Variants in PDE2A observed in about 807,000 individuals in gnomAD.
The protein encoded by PDE2A is phosphodiesterase 2A.
A neutral mutation model predicts 133.6 loss-of-function variants in PDE2A; 53 were observed. The ratio of observed to expected loss-of-function variants is 0.40; its 90% CI spans 0.32 to 0.50. PDE2A has a LOEUF of 0.50. Ranked by LOEUF, PDE2A falls within the 20% of genes least tolerant of loss-of-function variation. PDE2A has a pLI of 0.73. For missense variants in PDE2A, 796 were observed against 1,232.4 expected (o/e 0.65, Z 5.30); for synonymous variants, 491 against 490.2 (o/e 1.00, Z -0.02).
intron 1 of PDE2A, among the ~76,000 whole-genome samples, chr11:72,664,655 G>A (rs767230182): frequency 4.8e-4 from 73 of 151,746 alleles, no homozygotes; most frequent in Non-Finnish European, 6.3e-4. Context: ...TTACAGGTGT[G>A]AGCCACCGTG....
At chr11:72,630,367 G>T (rs1034776725) in intron 2 of PDE2A, among the ~76,000 whole-genome samples, 1 of 152,152 alleles carries the variant, frequency 6.6e-6, no homozygotes, top group African/African-American at 2.4e-5. Context: ...CCTGGCATCT[G>T]ACTGCCAGGG....
At chr11:72,610,006 G>C (rs1857134328) in intron 2 of PDE2A, among the ~76,000 whole-genome samples, 2 of 152,016 alleles carry the variant, frequency 1.3e-5, no homozygotes, top group South Asian at 4.2e-4. Context: ...AGTCTAGTTA[G>C]ACCATCCCCT....
At chr11:72,642,181 G>C in intron 2 of PDE2A, 73 bp downstream of exon 2, 1 of 1,368,924 alleles carries the variant, frequency 7.3e-7, no homozygotes, top group Non-Finnish European at 9.5e-7. Flanking sequence ...GAAGGGTTCG[G>C]GGGCGGGCAG....
At position 72,641,172 on chromosome 11, in the gene PDE2A, A is replaced by T. The variant is rs192735819; in HGVS notation, c.144+1082T>A. On this transcript the variant is annotated intron_variant, in intron 2 of 30. Transcript: ENST00000334456. ...TCAAGCCCTAGCCGCCCCCGTCAAG[A>T]CCAGGGCAGCTGGGATGAGGGGCTT... Among the ~76,000 whole-genome samples, 182 of 152,308 alleles carry T rather than the reference A, an allele frequency of 1.2e-3. 1 individual carries two copies. The highest frequency in any genetic ancestry group is 1.4e-3 in the Non-Finnish European group (92 of 68,022).
chr11:72,607,093 G>A (rs1857002338), intron 3 of PDE2A, among the ~76,000 whole-genome samples: 1 of 152,158 alleles, frequency 6.6e-6, no homozygotes, highest in Non-Finnish European at 1.5e-5. Flanking sequence ...ACTGGGGGCT[G>A]AGCCCCTCCG....
intron 19 of PDE2A, 33 bp downstream of exon 19, chr11:72,584,168 C>CCAAA: frequency 1.8e-6 from 1 of 570,582 alleles, no homozygotes; most frequent in Non-Finnish European, 3.3e-6. Flanking sequence ...CGCCCCCTAT[C>CCAAA]ACCCCACACC....
chr11:72,631,269 C>A, intron 2 of PDE2A: 1 of 644,696 alleles, frequency 1.6e-6, no homozygotes, highest in Non-Finnish European at 2.7e-6. Context: ...CCTGCTTGCA[C>A]CCTGCTCTCT....
chr11:72,615,110 C>T (rs1200778325), intron 2 of PDE2A: 1 of 518,920 alleles, frequency 1.9e-6, no homozygotes, highest in Non-Finnish European at 4.0e-6. Context: ...ACACTGGAGA[C>T]ACGTGCACTG....
At chr11:72,587,517 A>C (rs898914134) in intron 13 of PDE2A, among the ~76,000 whole-genome samples, 7 of 151,538 alleles carry the variant, frequency 4.6e-5, no homozygotes, top group Non-Finnish European at 7.4e-5. Flanking sequence ...TGCTGATACC[A>C]CCTCTTCTCC....
chr11:72,583,557 G>A (rs1309186188), intron 19 of PDE2A, 42 bp from the exon 20 acceptor site: 2 of 1,403,952 alleles, frequency 1.4e-6, no homozygotes, highest in Middle Eastern at 1.8e-4. Flanking sequence ...GAAGGTGGCT[G>A]TGAAAATTTA....
At chr11:72,633,402 C>A (rs983811169) in intron 2 of PDE2A, among the ~76,000 whole-genome samples, 1 of 152,198 alleles carries the variant, frequency 6.6e-6, no homozygotes, top group East Asian at 1.9e-4. Context: ...GGGACTCAGC[C>A]TTGCCCTTCG....
chr11:72,644,724 ATTTAT>A (rs71062783), intron 1 of PDE2A, among the ~76,000 whole-genome samples: 1,502 of 148,702 alleles, frequency 0.01, 20 homozygotes, highest in African/African-American at 0.032. Context: ...AAGTTATTTT[ATTTAT>A]TTTATTTTAT....
At chr11:72,588,965 C>G (rs1468519657) in intron 12 of PDE2A, 51 bp from the exon 13 acceptor site, 2 of 1,559,972 alleles carry the variant, frequency 1.3e-6, no homozygotes, top group Non-Finnish European at 1.7e-6. Context: ...AGTATGCTTC[C>G]CTCCTCCAGC....
At chr11:72,651,463 GA>G (rs1385443664) in intron 1 of PDE2A, among the ~76,000 whole-genome samples, 2 of 152,102 alleles carry the variant, frequency 1.3e-5, no homozygotes, top group African/African-American at 2.4e-5. Flanking sequence ...GGGTGTCCTG[GA>G]AGGGGCACGC....
chr11:72,652,518 C>G (rs1219600713), intron 1 of PDE2A: 3 of 455,920 alleles, frequency 6.6e-6, no homozygotes, highest in South Asian at 4.6e-5. Flanking sequence ...TTTGCTTACA[C>G]CATTCCACAG....
chr11:72,619,110 T>C (rs1029423863), intron 2 of PDE2A, among the ~76,000 whole-genome samples: 1 of 152,172 alleles, frequency 6.6e-6, no homozygotes, highest in African/African-American at 2.4e-5. Context: ...GCCTGGGATA[T>C]CTTGTGGGAC....
chr11:72,617,436 G>A lies in PDE2A; in HGVS notation c.145-8685C>T, dbSNP rs531833495. ...TGGGGCTCTCCCTGACTGTCCCAGC[G>A]TGTTTTCTCCCTGCCTCTCAGCCTC... On this transcript the variant is annotated intron_variant, in intron 2 of 30. Transcript: ENST00000334456. 5.9e-5 allele frequency among the ~76,000 whole-genome samples: 9 copies of A among 152,294 alleles called. No individual in the cohort carries two copies. In the South Asian group the frequency reaches 6.2e-4, roughly 11 times the overall value.
In PDE2A at chr11:72,578,541, C is replaced by A; in HGVS notation, c.2470-27G>T. ...TGAAAGGCCAACACTCTCATCACAT[C>A]CTCTATGTAGGATACATCCACCCAA... On this transcript the variant is annotated intron_variant, in intron 28 of 30. Transcript: ENST00000334456. This position sits in a 1 kb window ranked among gnomAD's most constrained non-coding sequence, Gnocchi z 4.2. 1.3e-6 allele frequency: 2 copies of A among 1,597,384 alleles called. No homozygotes were observed. The highest frequency in any genetic ancestry group is 2.2e-5 in the South Asian group (2 of 90,744).
At chr11:72,632,820 A>G (rs1858478169) in intron 2 of PDE2A, among the ~76,000 whole-genome samples, 2 of 141,806 alleles carry the variant, frequency 1.4e-5, no homozygotes, top group Non-Finnish European at 3.0e-5. Context: ...TCCCCCCAGC[A>G]GAGGCACTGC....
Sources: allele counts gnomAD v4.1 joint callset (sites outside exome capture counted in the v4.1 genomes callset), GRCh38; gene constraint gnomAD v4.1.1; non-coding constraint Gnocchi (gnomAD v3.1); transcripts MANE v1.5; gene names NCBI Gene and HGNC (gene_info 2026-07-23, HGNC 2026-07-21).